Variants in DMD observed in about 807,000 individuals in gnomAD.
DMD encodes the protein dystrophin.
Under a neutral mutation model 330.1 loss-of-function variants are expected in DMD, and 63 were observed. That is an observed-to-expected ratio of 0.19 (90% confidence interval 0.16 to 0.24). The LOEUF (loss-of-function observed/expected upper bound fraction) is 0.24. Among genes scored for constraint, DMD ranks in the 10% least tolerant of loss-of-function variants. DMD has a pLI of 1.00. For synonymous variants in DMD, 1,223 were observed against 959.8 expected (o/e 1.27, Z -5.07); for missense variants, 3,344 against 2,684.1 (o/e 1.25, Z -5.43).
At chrX:31,877,220 T>C (rs1268941797) in intron 47 of DMD, among the ~76,000 whole-genome samples, 1 of 111,901 alleles carries the variant, frequency 8.9e-6, no homozygotes, top group African/African-American at 3.2e-5. Context: ...TTGTGAAAAA[T>C]TCATGAGACT....
chrX:32,420,176 T>C (rs1420974455), intron 29 of DMD, among the ~76,000 whole-genome samples: 1 of 111,894 alleles, frequency 8.9e-6, no homozygotes. Context: ...TGACTGCACA[T>C]GTGTTCATAT....
chrX:32,542,833 G>A (rs890639317), intron 17 of DMD, among the ~76,000 whole-genome samples: 43 of 111,883 alleles, frequency 3.8e-4, no homozygotes, highest in African/African-American at 1.3e-3. Context: ...CGTATATAGC[G>A]TGTTCAGATA....
intron 2 of DMD, among the ~76,000 whole-genome samples, chrX:32,981,307 A>T (rs2092702264): frequency 9.0e-6 from 1 of 111,651 alleles, no homozygotes; most frequent in Non-Finnish European, 1.9e-5. Flanking sequence ...TCTTCTTTTA[A>T]CTCTAGTACC....
At chrX:32,108,162 C>T (rs1374004999) in intron 44 of DMD, among the ~76,000 whole-genome samples, 11 of 111,396 alleles carry the variant, frequency 9.9e-5, no homozygotes, top group Non-Finnish European at 2.1e-4. Context: ...ACTTTTTGTT[C>T]TTTGTTTTGT....
At chrX:32,282,138 G>A (rs918414596) in intron 43 of DMD, among the ~76,000 whole-genome samples, 2 of 111,709 alleles carry the variant, frequency 1.8e-5, no homozygotes, top group South Asian at 3.7e-4. Context: ...CTTAGTCTTT[G>A]GGAAGTCATT....
chrX:32,819,590 G>A (rs1376177794), intron 5 of DMD, among the ~76,000 whole-genome samples: 1 of 111,706 alleles, frequency 9.0e-6, no homozygotes, highest in African/African-American at 3.3e-5. Flanking sequence ...ATTTGAGATG[G>A]ACAGTAGAAA....
intron 9 of DMD, among the ~76,000 whole-genome samples, chrX:32,691,639 AG>A (rs1324311865): frequency 9.0e-6 from 1 of 111,373 alleles, no homozygotes; most frequent in Non-Finnish European, 1.9e-5. Context: ...CACTTGATCT[AG>A]CAATCTCACT....
chrX:32,827,888 C>T (rs921784983), intron 4 of DMD, among the ~76,000 whole-genome samples: 3 of 110,549 alleles, frequency 2.7e-5, no homozygotes, highest in Non-Finnish European at 3.8e-5. Flanking sequence ...CTCGAACTCC[C>T]GACCTCAGGT....
At chrX:31,418,757 T>C (rs771430880) in intron 60 of DMD, among the ~76,000 whole-genome samples, 13 of 111,985 alleles carry the variant, frequency 1.2e-4, no homozygotes, top group Non-Finnish European at 2.3e-4. Context: ...TCTTATTTTA[T>C]CCAAAGAGAA....
intron 73 of DMD, among the ~76,000 whole-genome samples, chrX:31,170,994 T>C (rs2039932913): frequency 8.9e-6 from 1 of 112,169 alleles, no homozygotes; most frequent in Admixed American, 9.5e-5. Context: ...CACTGTTACG[T>C]AGATACAACT....
chrX:31,172,402 A>G lies in DMD; in HGVS notation c.10340T>C (p.Met3447Thr). The G allele has an allele frequency of 3.3e-6, 4 of 1,197,255 alleles. No individual in the cohort carries two copies. Among genetic ancestry groups the G allele is most frequent in the Non-Finnish European group, 4.5e-6 (4 of 882,913 alleles). ...IEHYASRLAEMENSNGSYLND... is the reference protein window; with the variant it reads ...IEHYASRLAETENSNGSYLND... ...TAGATAAGATCCATTGCTGTTTTCC[A>G]TTTCTGCTAGCCTGATAAAAAACGT... The change falls in exon 73 of 79, where the codon ATG (methionine) becomes ACG (threonine). Residue 3447 changes from methionine (M) to threonine (T), a missense_variant. Coordinates refer to ENST00000357033, the MANE Select transcript of DMD (RefSeq NM_004006.3).
intron 13 of DMD, among the ~76,000 whole-genome samples, chrX:32,578,904 C>A: frequency 8.9e-6 from 1 of 111,910 alleles, no homozygotes; most frequent in Non-Finnish European, 1.9e-5. Flanking sequence ...ATACACTTCT[C>A]TGCTAAATGA....
intron 45 of DMD, among the ~76,000 whole-genome samples, chrX:31,951,598 A>C: frequency 9.0e-6 from 1 of 110,759 alleles, no homozygotes; most frequent in Non-Finnish European, 1.9e-5. Flanking sequence ...TAATTTACTT[A>C]AGTTCAAACT....
chrX:31,736,232 C>T (rs1248752342), intron 51 of DMD, among the ~76,000 whole-genome samples: 1 of 111,724 alleles, frequency 9.0e-6, no homozygotes, highest in Non-Finnish European at 1.9e-5. Context: ...CTGGAAGGAG[C>T]AGTTATGAAG....
chrX:32,133,950 T>C (rs2096712048), intron 44 of DMD, among the ~76,000 whole-genome samples: 1 of 111,760 alleles, frequency 8.9e-6, no homozygotes. Flanking sequence ...TTAGGAATTC[T>C]GCATTGACTG....
At chrX:31,448,011 CAAAA>C (rs1198070119) in intron 59 of DMD, among the ~76,000 whole-genome samples, 1 of 35,305 alleles carries the variant, frequency 2.8e-5, no homozygotes, top group Non-Finnish European at 5.7e-5. Context: ...ACTCTGTCTC[CAAAA>C]AAAAAAAAAA....
intron 7 of DMD, among the ~76,000 whole-genome samples, chrX:32,769,950 C>G (rs756508677): frequency 3.6e-5 from 4 of 111,818 alleles, no homozygotes; most frequent in Non-Finnish European, 7.5e-5. Context: ...ACATAGTCAT[C>G]ACCAATAAAC....
chrX:31,852,242 C>T (rs775640799), intron 48 of DMD, among the ~76,000 whole-genome samples: 1 of 111,762 alleles, frequency 8.9e-6, no homozygotes, highest in East Asian at 2.8e-4. Context: ...TTTAAGAATG[C>T]AGAGAACAGA....
Position 32,411,803 on chromosome X carries a change from T to C in DMD, c.4182A>G (p.Ala1394=), listed in dbSNP as rs1231478395. The C allele has an allele frequency of 8.3e-7, 1 of 1,211,524 alleles. No homozygotes were observed. Among genetic ancestry groups the C allele is most frequent in the Non-Finnish European group, 1.1e-6 (1 of 895,338 alleles). Residue 1394 remains alanine, a synonymous_variant, in exon 30 of 79, where the codon GCA becomes GCG. Coordinates refer to ENST00000357033, the MANE Select transcript of DMD (RefSeq NM_004006.3). ...ESLTFIDKQL[A]AYIADKVDAA... ...CGTCCACCTTGTCTGCAATATAAGCTGCCAACTGCTTGTCAATGAATGTGA... is the reference window on the plus strand; with the variant it reads ...CGTCCACCTTGTCTGCAATATAAGCCGCCAACTGCTTGTCAATGAATGTGA...
Sources: allele counts gnomAD v4.1 joint callset (sites outside exome capture counted in the v4.1 genomes callset), GRCh38; gene constraint gnomAD v4.1.1; transcripts MANE v1.5; gene names NCBI Gene and HGNC (gene_info 2026-07-23, HGNC 2026-07-21).